Variants in CNDP1 observed in about 807,000 individuals in gnomAD.
The protein encoded by CNDP1 is carnosine dipeptidase 1.
In CNDP1, 44 loss-of-function variants were observed where a neutral mutation model predicts 58.1. That is an observed-to-expected ratio of 0.76 (90% CI 0.60 to 0.97). The LOEUF (loss-of-function observed/expected upper bound fraction) is 0.97, where lower values mean the gene tolerates loss of function less well. Ranked by LOEUF, CNDP1 falls within the 50% of genes least tolerant of loss-of-function variation. The pLI, the probability that CNDP1 is intolerant of heterozygous loss-of-function variation, is 0.00. For synonymous variants in CNDP1, 254 were observed against 252.6 expected (o/e 1.01, Z -0.05); for missense variants, 616 against 655.1 (o/e 0.94, Z 0.65).
intron 6 of CNDP1, among the ~76,000 whole-genome samples, chr18:74,570,793 G>C (rs544005351): frequency 6.6e-6 from 1 of 152,166 alleles, no homozygotes; most frequent in Non-Finnish European, 1.5e-5. Context: ...AAAGAAGAAA[G>C]AGAAGAAAGC....
rs546820238 is a variant in CNDP1 at position 74,565,635 on chromosome 18, TGATGCTAGAGGTGGGTTCC to T, written c.556-1597_556-1579del. Reference sequence around the variant, plus strand: ...TCCAGGTCTCATGTCCAGGTTACACTGATGCTAGAGGTGGGTTCCCATGGTCTCGGGTGGCTCTGCCCCT... The same window carrying T: ...TCCAGGTCTCATGTCCAGGTTACACTCATGGTCTCGGGTGGCTCTGCCCCT... On this transcript the variant is annotated intron_variant, in intron 5 of 11. Coordinates refer to ENST00000358821, the MANE Select transcript of CNDP1 (RefSeq NM_032649.6). Among the ~76,000 whole-genome samples, 39 of 152,346 alleles carry T rather than the reference TGATGCTAGAGGTGGGTTCC, an allele frequency of 2.6e-4. No homozygotes were observed. The East Asian group carries it at 6.6e-3, about 26-fold the overall frequency.
At position 74,534,544 on chromosome 18, in the gene CNDP1, G is replaced by C; in HGVS notation, c.-124G>C. The stretch of plus-strand genomic sequence containing the variant: ...ATACCAGCCTCGTCTTCCTTCCGGG[G>C]GACAACGTGGGTCAGGGCACAGAGA... On this transcript the variant is annotated 5_prime_UTR_variant, in exon 1 of 12. Transcript: ENST00000358821. The C allele has an allele frequency of 1.0e-6, 1 of 983,570 alleles. No individual in the cohort carries two copies. Among genetic ancestry groups the C allele is most frequent in the African/African-American group, 1.6e-5 (1 of 62,948 alleles). 60.9% of individuals were successfully genotyped at this position (983,570 alleles called of 1,614,324 possible). A position where few individuals can be genotyped will look rare whatever the true frequency, so the allele number is the denominator to read the frequency against.
intron 10 of CNDP1, among the ~76,000 whole-genome samples, chr18:74,580,545 A>G (rs1309658360): frequency 2.6e-5 from 4 of 152,258 alleles, no homozygotes; most frequent in African/African-American, 9.6e-5. Flanking sequence ...CAAGGGGCAA[A>G]GCCTGTGTTC....
At chr18:74,571,344 C>A in intron 7 of CNDP1, 74 bp downstream of exon 7, 1 of 1,042,484 alleles carries the variant, frequency 9.6e-7, no homozygotes, top group Non-Finnish European at 1.5e-6. Context: ...ATTTTATGTG[C>A]CTCTCCTTGC....
Position 74,571,281 on chromosome 18 carries a change from A to G in CNDP1, c.841+11A>G, listed in dbSNP as rs765370051. On this transcript the variant is annotated intron_variant, in intron 7 of 11. Transcript: ENST00000358821. ...TGGTTGCTCTTCTCGGTAATGCCTT[A>G]TTTTGTTTCACTTTTTAAGCATCAG... 1 of 1,577,956 alleles carries G rather than the reference A, an allele frequency of 6.3e-7. No individual in the cohort carries two copies. The highest frequency in any genetic ancestry group is 8.7e-7 in the Non-Finnish European group (1 of 1,147,496).
At chr18:74,557,713 G>A (rs1981079693) in intron 2 of CNDP1, among the ~76,000 whole-genome samples, 1 of 152,112 alleles carries the variant, frequency 6.6e-6, no homozygotes, top group African/African-American at 2.4e-5. Flanking sequence ...TGTACCCCAA[G>A]CCCCCCACAT....
At chr18:74,540,456 G>A (rs1980591185) in intron 1 of CNDP1, among the ~76,000 whole-genome samples, 2 of 152,186 alleles carry the variant, frequency 1.3e-5, no homozygotes, top group Non-Finnish European at 1.5e-5. Flanking sequence ...CACCACGTCT[G>A]AACTCTGCCC....
chr18:74,547,301 G>A (rs1467031009), intron 1 of CNDP1, among the ~76,000 whole-genome samples: 1 of 152,194 alleles, frequency 6.6e-6, no homozygotes, highest in Non-Finnish European at 1.5e-5. Context: ...AGAATTCTCG[G>A]CTTCCAGGAT....
intron 5 of CNDP1, among the ~76,000 whole-genome samples, chr18:74,564,086 T>C (rs1296772814): frequency 6.6e-6 from 1 of 152,358 alleles, no homozygotes; most frequent in Middle Eastern, 3.4e-3. Flanking sequence ...TTTTCTAATT[T>C]TCTCATTTTA....
intron 1 of CNDP1, among the ~76,000 whole-genome samples, chr18:74,550,453 C>G (rs1206061193): frequency 6.6e-6 from 1 of 152,126 alleles, no homozygotes; most frequent in African/African-American, 2.4e-5. Flanking sequence ...AAGTAAATAA[C>G]TTGTTTTGAT....
chr18:74,578,315 G>T lies in CNDP1; in HGVS notation c.1155G>T (p.Ala385=), dbSNP rs146449027. ...IRLVPHMNVS[A]VEKQVTRHLE... ...TAGTCCCTCACATGAATGTGTCTGCGGTGGAAAAACAGGTAACAAATGCTT... is the reference window on the plus strand; with the variant it reads ...TAGTCCCTCACATGAATGTGTCTGCTGTGGAAAAACAGGTAACAAATGCTT... The change falls in exon 9 of 12, where the codon GCG becomes GCT. Residue 385 remains alanine, a synonymous_variant. Transcript: ENST00000358821. 14 of 1,602,760 alleles carry T rather than the reference G, an allele frequency of 8.7e-6. No homozygotes were observed. The highest frequency in any genetic ancestry group is 5.4e-5 in the African/African-American group (4 of 74,276).
intron 10 of CNDP1, 146 bp from the exon 11 acceptor site, chr18:74,583,415 A>G (rs1981834285): frequency 1.5e-6 from 1 of 658,234 alleles, no homozygotes; most frequent in Admixed American, 2.7e-5. Flanking sequence ...GGGCTTCCTT[A>G]CCCCAAAGCA....
intron 1 of CNDP1, among the ~76,000 whole-genome samples, chr18:74,551,227 C>T (rs1437069799): frequency 2.0e-5 from 3 of 152,032 alleles, no homozygotes; most frequent in African/African-American, 7.2e-5. Context: ...CACCATGCTT[C>T]CTGTACAGCC....
Position 74,561,029 on chromosome 18 carries a change from C to T in CNDP1, c.466+11C>T, listed in dbSNP as rs373848847. Reference sequence around the variant, plus strand: ...TGACGGAGGTAGACGGTCAGTGAGGCGCCCGGGCTACAGTGCGGTGCTGCT... The same window carrying T: ...TGACGGAGGTAGACGGTCAGTGAGGTGCCCGGGCTACAGTGCGGTGCTGCT... On this transcript the variant is annotated intron_variant, in intron 4 of 11. Transcript: ENST00000358821. The T allele has an allele frequency of 7.5e-6, 12 of 1,609,074 alleles. No homozygotes were observed. In the East Asian group the frequency reaches 1.3e-4, roughly 18 times the overall value.
chr18:74,559,925 G>A (rs190936618), intron 3 of CNDP1, among the ~76,000 whole-genome samples: 41 of 151,616 alleles, frequency 2.7e-4, no homozygotes, highest in African/African-American at 6.8e-4. Flanking sequence ...CACCCGCTGC[G>A]CTTACTTTAG....
chr18:74,576,173 AT>A lies in CNDP1; in HGVS notation c.842-686del, dbSNP rs1237231560. 942 of 148,128 alleles carry A rather than the reference AT, an allele frequency of 6.4e-3. 11 individuals are homozygous for A. The highest frequency in any genetic ancestry group is 0.022 in the African/African-American group (894 of 40,378). 9.2% of individuals were successfully genotyped at this position (148,128 alleles called of 1,614,324 possible). A position where few individuals can be genotyped will look rare whatever the true frequency, so the allele number is the denominator to read the frequency against. On this transcript the variant is annotated intron_variant, in intron 7 of 11. Coordinates refer to ENST00000358821, the MANE Select transcript of CNDP1 (RefSeq NM_032649.6). ...ATGAGCCACCGCGCCTGGCCGTATA[AT>A]TTTTTTTTTGAGACAGAGTCTGACT...
intron 6 of CNDP1, among the ~76,000 whole-genome samples, chr18:74,569,158 A>C (rs1421647532): frequency 6.6e-6 from 1 of 152,144 alleles, no homozygotes; most frequent in Non-Finnish European, 1.5e-5. Flanking sequence ...CAAGCTTTCG[A>C]AGTGAGACCG....
intron 5 of CNDP1, among the ~76,000 whole-genome samples, chr18:74,565,340 A>G (rs965540183): frequency 2.0e-5 from 3 of 152,172 alleles, no homozygotes; most frequent in Admixed American, 6.5e-5. Context: ...TAATTTCCCA[A>G]TAGTCCCCCA....
intron 1 of CNDP1, among the ~76,000 whole-genome samples, chr18:74,546,186 G>A (rs546251409): frequency 4.0e-4 from 61 of 152,332 alleles, no homozygotes; most frequent in African/African-American, 1.4e-3. Flanking sequence ...GATGATGGAA[G>A]GTTCCGGAAG....
Sources: allele counts gnomAD v4.1 joint callset (sites outside exome capture counted in the v4.1 genomes callset), GRCh38; gene constraint gnomAD v4.1.1; transcripts MANE v1.5; gene names NCBI Gene and HGNC (gene_info 2026-07-23, HGNC 2026-07-21).